Variants in PRR16 observed in about 807,000 individuals in gnomAD.
PRR16 encodes the protein protein Largen.
PRR16 carries 6 observed loss-of-function variants against 18.2 expected under a neutral mutation model. That is an observed-to-expected ratio of 0.33 (90% CI 0.18 to 0.65). The LOEUF is 0.65. PRR16 is among the 30% of genes least tolerant of loss of function. The pLI is 0.74. For missense variants in PRR16, 412 were observed against 376.6 expected (o/e 1.09, Z -0.78); for synonymous variants, 151 against 147.8 (o/e 1.02, Z -0.16).
chr5:120,583,541 A>G (rs1228031373), intron 1 of PRR16, among the ~76,000 whole-genome samples: 1 of 152,130 alleles, frequency 6.6e-6, no homozygotes, highest in Non-Finnish European at 1.5e-5. Flanking sequence ...GTACTGAGAA[A>G]CTGGTAATTT....
rs371356841 is a variant in PRR16, at chr5:120,618,835, G to C, written c.160-67119G>C. Among the ~76,000 whole-genome samples, 9 of 151,628 alleles carry C rather than the reference G, an allele frequency of 5.9e-5. No individual in the cohort carries two copies. In the East Asian group the frequency reaches 1.6e-3, roughly 26 times the overall value. ...AACTTCCCAATTAGCAGTTTGCCAA[G>C]TCACTTATTCAACTTGAATTCCTGA... is the stretch of plus-strand genomic sequence containing the variant. On this transcript the variant is annotated intron_variant, in intron 1 of 1. Transcript: ENST00000407149.
At chr5:120,634,640 C>G (rs915724198) in intron 1 of PRR16, among the ~76,000 whole-genome samples, 1 of 151,932 alleles carries the variant, frequency 6.6e-6, no homozygotes, top group Non-Finnish European at 1.5e-5. Context: ...GATACTCTGT[C>G]TCAAAAAATT....
chr5:120,475,945 G>C (rs1313045696), intron 1 of PRR16, among the ~76,000 whole-genome samples: 1 of 152,098 alleles, frequency 6.6e-6, no homozygotes, highest in African/African-American at 2.4e-5. Flanking sequence ...AAAAGTACAT[G>C]ATGCAACAAG....
chr5:120,491,570 G>A (rs1483201252), intron 1 of PRR16, among the ~76,000 whole-genome samples: 1 of 149,734 alleles, frequency 6.7e-6, no homozygotes, highest in Non-Finnish European at 1.5e-5. Context: ...ACATGATGGA[G>A]TCTTGCCCTG....
At chr5:120,647,731 CA>C (rs1755646221) in intron 1 of PRR16, among the ~76,000 whole-genome samples, 1 of 152,054 alleles carries the variant, frequency 6.6e-6, no homozygotes, top group Admixed American at 6.6e-5. Context: ...ACATTTTATA[CA>C]GCCTAGAAAA....
intron 1 of PRR16, among the ~76,000 whole-genome samples, chr5:120,494,201 C>T (rs1053454696): frequency 2.0e-5 from 3 of 152,090 alleles, no homozygotes; most frequent in Non-Finnish European, 2.9e-5. Flanking sequence ...CATTTGATAT[C>T]GTCACTACTT....
At chr5:120,620,719 A>G (rs928949426) in intron 1 of PRR16, among the ~76,000 whole-genome samples, 5 of 151,964 alleles carry the variant, frequency 3.3e-5, no homozygotes, top group Admixed American at 3.3e-4. Context: ...CAGGGTCCCA[A>G]TACTCAGAGC....
At chr5:120,621,662 G>C (rs566472797) in intron 1 of PRR16, among the ~76,000 whole-genome samples, 1 of 152,216 alleles carries the variant, frequency 6.6e-6, no homozygotes, top group East Asian at 1.9e-4. Context: ...ATGATAGTGA[G>C]TGAGTTCTCA....
At chr5:120,591,842 A>C (rs570805018) in intron 1 of PRR16, among the ~76,000 whole-genome samples, 1 of 152,114 alleles carries the variant, frequency 6.6e-6, no homozygotes, top group Non-Finnish European at 1.5e-5. Context: ...AAAATGCAGA[A>C]GGGCTGAGGA....
chr5:120,594,853 G>C (rs1753750087), intron 1 of PRR16, among the ~76,000 whole-genome samples: 1 of 151,778 alleles, frequency 6.6e-6, no homozygotes, highest in Non-Finnish European at 1.5e-5. Flanking sequence ...ACAAGCAATG[G>C]GGAAAGGACT....
At chr5:120,766,009 T>C in the PRR16 span, among the ~76,000 whole-genome samples, 1 of 152,034 alleles carries the variant, frequency 6.6e-6, no homozygotes, top group Admixed American at 6.6e-5. Context: ...CCAGTGTTTA[T>C]AGGTATAGTT....
intron 1 of PRR16, among the ~76,000 whole-genome samples, chr5:120,561,268 C>G (rs532242114): frequency 1.9e-4 from 29 of 151,912 alleles, no homozygotes; most frequent in African/African-American, 6.5e-4. Context: ...AAATTTTTCT[C>G]TTAGGAATGC....
the PRR16 span, among the ~76,000 whole-genome samples, chr5:120,775,228 T>G: frequency 0.51 from 78,146 of 151,966 alleles, 21,185 homozygotes; most frequent in African/African-American, 0.69. Flanking sequence ...GATACACATT[T>G]ATTATTTTGC....
chr5:120,710,129 C>T, the PRR16 span, among the ~76,000 whole-genome samples: 1 of 152,050 alleles, frequency 6.6e-6, no homozygotes, highest in East Asian at 1.9e-4. Flanking sequence ...GTATCCTTGC[C>T]AGCATTTGTT....
intron 1 of PRR16, among the ~76,000 whole-genome samples, chr5:120,536,884 C>T (rs1010073365): frequency 6.6e-6 from 1 of 152,192 alleles, no homozygotes; most frequent in Non-Finnish European, 1.5e-5. Flanking sequence ...AAGATCGTGT[C>T]TTTTGTGGCA....
chr5:120,514,903 A>G (rs979240052), intron 1 of PRR16, among the ~76,000 whole-genome samples: 1 of 152,052 alleles, frequency 6.6e-6, no homozygotes, highest in African/African-American at 2.4e-5. Flanking sequence ...AATTCTTCCA[A>G]TTTGTATCTG....
the PRR16 span, among the ~76,000 whole-genome samples, chr5:120,782,239 G>A: frequency 6.6e-6 from 1 of 152,124 alleles, no homozygotes; most frequent in African/African-American, 2.4e-5. Context: ...TTCATTAAGT[G>A]TGTGACCAGT....
chr5:120,753,870 T>TGA, the PRR16 span, among the ~76,000 whole-genome samples: 2 of 126,658 alleles, frequency 1.6e-5, no homozygotes, highest in African/African-American at 5.9e-5. Flanking sequence ...ATCTTATATA[T>TGA]TATATATTTA....
At chr5:120,726,846 T>C in the PRR16 span, among the ~76,000 whole-genome samples, 1 of 152,086 alleles carries the variant, frequency 6.6e-6, no homozygotes, top group Non-Finnish European at 1.5e-5. Flanking sequence ...CCTGTTTGAG[T>C]ATCTCCATGG....
Sources: gnomAD v4.1 joint callset for allele counts (sites outside exome capture counted in the v4.1 genomes callset) on GRCh38, gnomAD v4.1.1 for gene constraint, MANE v1.5 for transcripts, NCBI Gene and HGNC (gene_info 2026-07-23, HGNC 2026-07-21) for gene names.